OPN5: variants seen among roughly 807,000 people sequenced by gnomAD.
OPN5 encodes opsin 5, also known as opsin-5.
A neutral mutation model predicts 41.7 loss-of-function variants in OPN5; 18 were observed. That is an observed-to-expected ratio of 0.43 (90% CI 0.30 to 0.64). The LOEUF is 0.64. OPN5 is among the 30% of genes least tolerant of loss of function. OPN5 has a pLI of 0.13. For synonymous variants in OPN5, 178 were observed against 164.3 expected (o/e 1.08, Z -0.64); for missense variants, 318 against 434.5 (o/e 0.73, Z 2.38).
chr6:47,818,728 T>C (rs1220155705), intron 6 of OPN5, among the ~76,000 whole-genome samples: 1 of 152,172 alleles, frequency 6.6e-6, no homozygotes, highest in Non-Finnish European at 1.5e-5. Context: ...TATTGTTAGA[T>C]GAGATACCTC....
At chr6:47,787,827 T>C (rs183865138) in intron 2 of OPN5, among the ~76,000 whole-genome samples, 1 of 152,046 alleles carries the variant, frequency 6.6e-6, no homozygotes, top group East Asian at 1.9e-4. Context: ...AGTTCAGGAG[T>C]TCAAGGTTGC....
intron 3 of OPN5, 47 bp from the exon 4 acceptor site, chr6:47,795,182 G>A (rs755042638): frequency 1.7e-5 from 23 of 1,378,210 alleles, no homozygotes; most frequent in Non-Finnish European, 2.3e-5. Flanking sequence ...GAGGTATCTG[G>A]GTGTAGGGCA....
chr6:47,824,819 A>G (rs1762743974), downstream of OPN5: 1 of 151,902 alleles, frequency 6.6e-6, no homozygotes, highest in Non-Finnish European at 1.5e-5. Flanking sequence ...GACAACCTGA[A>G]TCAATTTTTT....
intron 4 of OPN5, among the ~76,000 whole-genome samples, chr6:47,797,717 G>C (rs1431556313): frequency 6.6e-6 from 1 of 152,156 alleles, no homozygotes; most frequent in Non-Finnish European, 1.5e-5. Flanking sequence ...TCACCTCTCT[G>C]TTTTCCATCC....
At chr6:47,789,682 G>C (rs1233031809) in intron 2 of OPN5, among the ~76,000 whole-genome samples, 1 of 152,188 alleles carries the variant, frequency 6.6e-6, no homozygotes, top group East Asian at 1.9e-4. Flanking sequence ...CGTGTGTCTA[G>C]ATTGCAGAAG....
chr6:47,823,313 C>A (rs537194306), intron 6 of OPN5: 2 of 152,212 alleles, frequency 1.3e-5, no homozygotes, highest in Admixed American at 6.5e-5. Flanking sequence ...GTGACATAAC[C>A]AGAAGCCCCA....
chr6:47,810,106 A>C (rs1268211734), intron 5 of OPN5, among the ~76,000 whole-genome samples: 1 of 152,236 alleles, frequency 6.6e-6, no homozygotes, highest in Non-Finnish European at 1.5e-5. Flanking sequence ...GGCAAGAGAC[A>C]GCTCGGTTCA....
At chr6:47,782,192 A>G (rs1773108778) in exon 1 of OPN5, 1 of 1,612,886 alleles carries the variant, frequency 6.2e-7, no homozygotes. Context: ...ACCTAACAAT[A>G]ATTGGTAAGC....
chr6:47,782,213 C>A lies in OPN5; in HGVS notation c.130+17C>A. On this transcript the variant is annotated intron_variant, in intron 1 of 6. Transcript: ENST00000371211. ...CAATAATTGGTAAGCTTCCTTAATT[C>A]TTCTGTGCAAAGGCTGCATTTAGAA... 6.2e-7 allele frequency: 1 copy of A among 1,611,078 alleles called. No individual in the cohort carries two copies. Among genetic ancestry groups the A allele is most frequent in the Non-Finnish European group, 8.5e-7 (1 of 1,178,604 alleles).
intron 2 of OPN5, among the ~76,000 whole-genome samples, chr6:47,790,770 T>C (rs1773345602): frequency 6.6e-6 from 1 of 152,206 alleles, no homozygotes; most frequent in Non-Finnish European, 1.5e-5. Context: ...CCTCCTTTTC[T>C]ATATTCACAG....
Position 47,822,678 on chromosome 6 carries a change from G to C in OPN5, c.1057-1305G>C, listed in dbSNP as rs1271128830. 3.3e-5 allele frequency among the ~76,000 whole-genome samples: 5 copies of C among 152,318 alleles called. 1 individual carries two copies. The South Asian group carries it at 1.0e-3, about 32-fold the overall frequency. ...TGTCTTGCCAAATGAGAGTGTTGTG[G>C]AGCCTGGCAAGAAGGGCAGTGTAGT... On this transcript the variant is annotated intron_variant, in intron 6 of 6. Transcript: ENST00000371211.
chr6:47,786,929 A>G, intron 2 of OPN5: 1 of 383,246 alleles, frequency 2.6e-6, no homozygotes, highest in Non-Finnish European at 3.9e-6. Flanking sequence ...AGTGGGCTAA[A>G]TGATTCAGAA....
chr6:47,819,974 G>A (rs971940945), intron 6 of OPN5, among the ~76,000 whole-genome samples: 1 of 152,186 alleles, frequency 6.6e-6, no homozygotes, highest in Non-Finnish European at 1.5e-5. Context: ...TTATGTAAAA[G>A]TCAGTATACT....
intron 2 of OPN5, 48 bp downstream of exon 2, chr6:47,786,682 A>C: frequency 6.4e-7 from 1 of 1,562,586 alleles, no homozygotes; most frequent in Non-Finnish European, 8.8e-7. Context: ...ACTACTCCCC[A>C]TTCTAAAGTA....
chr6:47,788,860 A>G (rs1773279211), intron 2 of OPN5, among the ~76,000 whole-genome samples: 2 of 151,292 alleles, frequency 1.3e-5, no homozygotes, highest in African/African-American at 4.9e-5. Flanking sequence ...CTCACTCCAG[A>G]TAAATAACAA....
At chr6:47,783,873 T>C (rs1332169442) in intron 1 of OPN5, among the ~76,000 whole-genome samples, 1 of 152,164 alleles carries the variant, frequency 6.6e-6, no homozygotes, top group Admixed American at 6.5e-5. Flanking sequence ...TTTCAAGGAA[T>C]GAATTAAAAA....
chr6:47,801,651 C>T (rs1420598244), intron 4 of OPN5, among the ~76,000 whole-genome samples: 1 of 152,226 alleles, frequency 6.6e-6, no homozygotes. Context: ...TTCAGATCCT[C>T]CTATTACAAT....
downstream of OPN5, chr6:47,825,112 T>C (rs530464452): frequency 1.3e-5 from 2 of 152,310 alleles, no homozygotes; most frequent in South Asian, 4.1e-4. Flanking sequence ...GCCAGGAGTC[T>C]GTGAAATGGT....
intron 1 of OPN5, 91 bp from the exon 2 acceptor site, chr6:47,786,424 G>T: frequency 1.0e-6 from 1 of 990,810 alleles, no homozygotes; most frequent in South Asian, 1.5e-5. Flanking sequence ...CTAAATCTAT[G>T]GTGTCCATTT....
Sources: allele counts gnomAD v4.1 joint callset (sites outside exome capture counted in the v4.1 genomes callset), GRCh38; gene constraint gnomAD v4.1.1; transcripts MANE v1.5; gene names NCBI Gene and HGNC (gene_info 2026-07-23, HGNC 2026-07-21).